Variants in STAB2 observed in about 807,000 individuals in gnomAD.
The protein encoded by STAB2 is stabilin 2.
In STAB2, 288 loss-of-function variants were observed where a neutral mutation model predicts 338.1. The ratio of observed to expected loss-of-function variants is 0.85; its 90% CI spans 0.77 to 0.94. The LOEUF is 0.94. Among genes scored for constraint, STAB2 ranks in the 40% least tolerant of loss-of-function variants. STAB2 has a pLI of 0.00. For missense variants in STAB2, 3,141 were observed against 3,210.1 expected (o/e 0.98, Z 0.52); for synonymous variants, 1,202 against 1,193.3 (o/e 1.01, Z -0.15).
At chr12:103,735,816 C>T (rs1882074591) in intron 52 of STAB2, among the ~76,000 whole-genome samples, 1 of 152,224 alleles carries the variant, frequency 6.6e-6, no homozygotes, top group South Asian at 2.1e-4. Flanking sequence ...AAGCCTCTTA[C>T]ACTGTGGAGA....
At chr12:103,723,026 G>A (rs115402302) in intron 44 of STAB2, among the ~76,000 whole-genome samples, 8 of 152,318 alleles carry the variant, frequency 5.3e-5, no homozygotes, top group South Asian at 2.1e-4. Context: ...AGCACAGTCC[G>A]TGAGTTCAGA....
At chr12:103,707,829 C>G (rs1879500688) in intron 38 of STAB2, among the ~76,000 whole-genome samples, 1 of 152,166 alleles carries the variant, frequency 6.6e-6, no homozygotes, top group African/African-American at 2.4e-5. Flanking sequence ...ATAATATTTA[C>G]TTGGAATTAC....
At chr12:103,667,628 C>T (rs1875271791) in intron 19 of STAB2, among the ~76,000 whole-genome samples, 1 of 152,188 alleles carries the variant, frequency 6.6e-6, no homozygotes, top group Non-Finnish European at 1.5e-5. Flanking sequence ...CTGTGACCCA[C>T]ACCTGGTTAA....
intron 5 of STAB2, among the ~76,000 whole-genome samples, chr12:103,625,312 A>C (rs867504957): frequency 7.2e-5 from 11 of 152,218 alleles, no homozygotes; most frequent in South Asian, 6.2e-4. Context: ...CTTCACACTT[A>C]GTGTTGTGGA....
At chr12:103,677,386 CTT>C (rs1876479656) in intron 24 of STAB2, 65 bp from the exon 25 acceptor site, 2 of 1,480,648 alleles carry the variant, frequency 1.4e-6, no homozygotes, top group African/African-American at 2.8e-5. Flanking sequence ...GAAATTCTCT[CTT>C]ATTTTTGGAA....
At chr12:103,763,402 G>A in intron 67 of STAB2, 90 bp from the exon 68 acceptor site, 1 of 1,025,592 alleles carries the variant, frequency 9.8e-7, no homozygotes, top group East Asian at 2.4e-5. Context: ...GCTCCCAGAG[G>A]CAAAGGGTGG....
At chr12:103,754,807 A>C (rs772147097) in intron 61 of STAB2, among the ~76,000 whole-genome samples, 11 of 152,104 alleles carry the variant, frequency 7.2e-5, no homozygotes, top group Non-Finnish European at 1.5e-4. Flanking sequence ...TTAGCTGCAC[A>C]TGGTGGTGCA....
intron 16 of STAB2, 135 bp downstream of exon 16, chr12:103,660,519 A>G (rs1874518217): frequency 2.4e-6 from 3 of 1,271,016 alleles, no homozygotes; most frequent in Non-Finnish European, 3.4e-6. Context: ...ATGAACAATG[A>G]GTCCATTATC....
At chr12:103,617,078 A>G (rs1957222174) in intron 3 of STAB2, among the ~76,000 whole-genome samples, 1 of 152,214 alleles carries the variant, frequency 6.6e-6, no homozygotes, top group Admixed American at 6.5e-5. Flanking sequence ...ATCTAAACCA[A>G]CTGGGCCATT....
At chr12:103,627,235 T>A (rs958999439) in intron 5 of STAB2, among the ~76,000 whole-genome samples, 1 of 152,136 alleles carries the variant, frequency 6.6e-6, no homozygotes, top group Admixed American at 6.5e-5. Context: ...TGAGTGTCCA[T>A]CATACATTAC....
At chr12:103,762,508 G>A in intron 67 of STAB2, 106 bp downstream of exon 67, 1 of 1,564,176 alleles carries the variant, frequency 6.4e-7, no homozygotes, top group Non-Finnish European at 8.7e-7. Context: ...TCACCCAGAA[G>A]CAGTGTGTCA....
Position 103,746,585 on chromosome 12 carries a change from C to G in STAB2, c.6137-12C>G, listed in dbSNP as rs780981600. Reference sequence around the variant, plus strand: ...CATGGGTACAGAATGAAAGTGGCCCCTTTCTTTGCAGTTTTGCCTGCAGTG... The same window carrying G: ...CATGGGTACAGAATGAAAGTGGCCCGTTTCTTTGCAGTTTTGCCTGCAGTG... On this transcript the variant is annotated splice_polypyrimidine_tract_variant and intron_variant, in intron 57 of 68. Coordinates refer to ENST00000388887, the MANE Select transcript of STAB2 (RefSeq NM_017564.10). The G allele has an allele frequency of 3.1e-6, 5 of 1,613,718 alleles. No individual in the cohort carries two copies. The South Asian group carries it at 5.5e-5, about 18-fold the overall frequency.
At chr12:103,654,781 C>A in intron 13 of STAB2, 83 bp downstream of exon 13, 1 of 1,504,574 alleles carries the variant, frequency 6.6e-7, no homozygotes, top group Non-Finnish European at 8.9e-7. Flanking sequence ...CATGCCAGCA[C>A]TCTGTGCTTG....
At chr12:103,765,395 G>C (rs527560876) in intron 68 of STAB2, among the ~76,000 whole-genome samples, 1 of 152,316 alleles carries the variant, frequency 6.6e-6, no homozygotes, top group South Asian at 2.1e-4. Context: ...AGCTTACAAA[G>C]TGACGTGCTA....
intron 63 of STAB2, among the ~76,000 whole-genome samples, chr12:103,757,394 G>A (rs1474651172): frequency 2.0e-5 from 3 of 152,216 alleles, no homozygotes; most frequent in Non-Finnish European, 4.4e-5. Flanking sequence ...AGCCTGATCA[G>A]TGAATATTTA....
intron 18 of STAB2, among the ~76,000 whole-genome samples, chr12:103,664,309 A>C (rs549235431): frequency 6.6e-6 from 1 of 151,942 alleles, no homozygotes; most frequent in South Asian, 2.1e-4. Context: ...ACGCCCGGCT[A>C]ATTTTTTTGT....
chr12:103,697,698 G>T (rs908998788), intron 33 of STAB2, among the ~76,000 whole-genome samples: 8 of 152,202 alleles, frequency 5.3e-5, no homozygotes, highest in Non-Finnish European at 1.0e-4. Flanking sequence ...CATAAACTGA[G>T]AATTTGATAG....
At chr12:103,600,948 C>T (rs758169404) in intron 3 of STAB2, among the ~76,000 whole-genome samples, 1 of 152,156 alleles carries the variant, frequency 6.6e-6, no homozygotes, top group Admixed American at 6.5e-5. Context: ...TTATTGCCAG[C>T]TTTGAAGATA....
At chr12:103,624,309 T>C (rs1957348155) in intron 5 of STAB2, among the ~76,000 whole-genome samples, 1 of 152,194 alleles carries the variant, frequency 6.6e-6, no homozygotes, top group South Asian at 2.1e-4. Flanking sequence ...TGAGTGAGTA[T>C]ATGACTAGGT....
Sources: allele counts gnomAD v4.1 joint callset (sites outside exome capture counted in the v4.1 genomes callset), GRCh38; gene constraint gnomAD v4.1.1; transcripts MANE v1.5; gene names NCBI Gene and HGNC (gene_info 2026-07-23, HGNC 2026-07-21).